The following RBPMS variants were observed in gnomAD, a reference collection of about 807,000 sequenced individuals.
RBPMS encodes the protein RNA-binding protein with multiple splicing.
A neutral mutation model predicts 26.8 loss-of-function variants in RBPMS; 7 were observed. That is an observed-to-expected ratio of 0.26 (90% CI 0.15 to 0.49). RBPMS has a LOEUF of 0.49. RBPMS is among the 20% of genes least tolerant of loss of function. The probability of loss-of-function intolerance (pLI) is 0.98; values close to 1 mark genes in which losing one functional copy is unlikely to be tolerated. For missense variants in RBPMS, 186 were observed against 250.0 expected (o/e 0.74, Z 1.73); for synonymous variants, 96 against 93.3 (o/e 1.03, Z -0.17).
chr8:30,537,751 C>T, intron 5 of RBPMS: 2 of 418,470 alleles, frequency 4.8e-6, no homozygotes, highest in Admixed American at 2.6e-5. Context: ...TAATGTCTCC[C>T]ATGAGGATGA....
At chr8:30,549,690 G>T in intron 6 of RBPMS, 7 of 775,154 alleles carry the variant, frequency 9.0e-6, no homozygotes, top group South Asian at 4.6e-5. Context: ...GAGTGGGCTG[G>T]GTCTCCTTTC....
chr8:30,525,986 A>C (rs888270927), intron 5 of RBPMS, among the ~76,000 whole-genome samples: 2 of 152,268 alleles, frequency 1.3e-5, no homozygotes, highest in African/African-American at 4.8e-5. Flanking sequence ...CTTAAATCCC[A>C]GATTAGTAGC....
intron 2 of RBPMS, 23 bp downstream of exon 2, chr8:30,474,879 A>G (rs1817524670): frequency 1.4e-6 from 2 of 1,478,074 alleles, no homozygotes; most frequent in Middle Eastern, 1.7e-4. Flanking sequence ...ATCTTTCAGA[A>G]ATTATAAAAT....
At chr8:30,542,568 T>C (rs899902733) in intron 5 of RBPMS, among the ~76,000 whole-genome samples, 2 of 152,238 alleles carry the variant, frequency 1.3e-5, no homozygotes, top group African/African-American at 4.8e-5. Context: ...CAGTTGTATG[T>C]ATCAGTTTTA....
intron 5 of RBPMS, among the ~76,000 whole-genome samples, chr8:30,528,788 C>T (rs1218930959): frequency 6.6e-6 from 1 of 152,146 alleles, no homozygotes; most frequent in Non-Finnish European, 1.5e-5. Flanking sequence ...TCTGTCAGGT[C>T]ACAGACCCCA....
intron 5 of RBPMS, among the ~76,000 whole-genome samples, chr8:30,514,812 C>T (rs1277589441): frequency 6.6e-6 from 1 of 150,520 alleles, no homozygotes; most frequent in African/African-American, 2.4e-5. Context: ...AGGTGTGAGC[C>T]ACCACTCCCA....
In RBPMS at chr8:30,489,596, C is replaced by T. The variant is rs113299053; in HGVS notation, c.246+10219C>T. 4.2e-3 allele frequency among the ~76,000 whole-genome samples: 645 copies of T among 152,022 alleles called. 3 individuals carry two copies. The highest frequency in any genetic ancestry group is 0.014 in the African/African-American group (601 of 41,484). On this transcript the variant is annotated intron_variant, in intron 4 of 8. Coordinates refer to ENST00000397323, the MANE Select transcript of RBPMS (RefSeq NM_001008710.3). ...AGTAGCTGGGATTACAGGCGCGCGC[C>T]GCCACGCCCGGCGAATTTTTGAATT... is the stretch of plus-strand genomic sequence containing the variant.
At chr8:30,415,936 T>G (rs1304308070) in intron 1 of RBPMS, among the ~76,000 whole-genome samples, 1 of 152,222 alleles carries the variant, frequency 6.6e-6, no homozygotes, top group Non-Finnish European at 1.5e-5. Context: ...AAAATTACTG[T>G]GTATGGGGCT....
chr8:30,448,200 G>T (rs895131894), intron 1 of RBPMS, among the ~76,000 whole-genome samples: 2 of 152,182 alleles, frequency 1.3e-5, no homozygotes, highest in African/African-American at 4.8e-5. Flanking sequence ...TAGAATATTA[G>T]AATTTAACTT....
intron 4 of RBPMS, among the ~76,000 whole-genome samples, chr8:30,489,808 G>T (rs1485783501): frequency 8.6e-5 from 13 of 150,500 alleles, no homozygotes; most frequent in Non-Finnish European, 1.6e-4. Flanking sequence ...GGTGTTTTTT[G>T]TTTTGTTTTG....
chr8:30,456,992 G>A (rs544297984), intron 1 of RBPMS, among the ~76,000 whole-genome samples: 17 of 152,330 alleles, frequency 1.1e-4, no homozygotes, highest in African/African-American at 2.9e-4. Context: ...GATGTTGGTC[G>A]TATCTTTATT....
chr8:30,515,636 A>T (rs188642753), intron 5 of RBPMS, among the ~76,000 whole-genome samples: 29 of 152,292 alleles, frequency 1.9e-4, no homozygotes, highest in African/African-American at 3.1e-4. Context: ...AAAATATTTT[A>T]AAAAACATGA....
chr8:30,451,952 C>A (rs1469513266), intron 1 of RBPMS, among the ~76,000 whole-genome samples: 3 of 152,138 alleles, frequency 2.0e-5, no homozygotes, highest in African/African-American at 7.2e-5. Flanking sequence ...AGGTGTCCCT[C>A]AGAAAGACGT....
At chr8:30,513,950 C>CT (rs1194013586) in intron 5 of RBPMS, among the ~76,000 whole-genome samples, 1 of 152,172 alleles carries the variant, frequency 6.6e-6, no homozygotes, top group African/African-American at 2.4e-5. Context: ...TGGTTGGTCT[C>CT]TGAGATTCCT....
chr8:30,480,530 A>T (rs1818166503), intron 4 of RBPMS, among the ~76,000 whole-genome samples: 1 of 152,252 alleles, frequency 6.6e-6, no homozygotes, highest in Non-Finnish European at 1.5e-5. Flanking sequence ...CATATAAAGC[A>T]TATAGGAACA....
At chr8:30,561,756 C>G (rs1291091822) in intron 7 of RBPMS, among the ~76,000 whole-genome samples, 2 of 152,092 alleles carry the variant, frequency 1.3e-5, no homozygotes, top group Non-Finnish European at 2.9e-5. Flanking sequence ...TTGGCAATTT[C>G]AGTTGGTAGA....
intron 1 of RBPMS, among the ~76,000 whole-genome samples, chr8:30,436,617 T>C (rs1812475621): frequency 6.6e-6 from 1 of 152,216 alleles, no homozygotes; most frequent in Non-Finnish European, 1.5e-5. Flanking sequence ...CACTTTCCTG[T>C]ATCTAACACT....
chr8:30,556,067 G>C, intron 6 of RBPMS: 1 of 981,236 alleles, frequency 1.0e-6, no homozygotes, highest in Non-Finnish European at 1.2e-6. Context: ...GGCTGGAAGA[G>C]GAGGCAGCCG....
chr8:30,497,615 T>TG (rs1414167733), intron 4 of RBPMS, among the ~76,000 whole-genome samples: 3 of 151,730 alleles, frequency 2.0e-5, no homozygotes, highest in East Asian at 3.9e-4. Flanking sequence ...TTGTTGTTGT[T>TG]TTGTTTTGTT....
Sources: gnomAD v4.1 joint callset for allele counts (sites outside exome capture counted in the v4.1 genomes callset) on GRCh38, gnomAD v4.1.1 for gene constraint, MANE v1.5 for transcripts, NCBI Gene and HGNC (gene_info 2026-07-23, HGNC 2026-07-21) for gene names.